Variants in SCLT1 observed in about 807,000 individuals in gnomAD.
The protein encoded by SCLT1 is sodium channel and clathrin linker 1, also known as sodium channel-associated protein 1.
SCLT1 carries 78 observed loss-of-function variants against 112.8 expected under a neutral mutation model. That is an observed-to-expected ratio of 0.69 (90% CI 0.58 to 0.83). The LOEUF (loss-of-function observed/expected upper bound fraction) is 0.83, where lower values mean the gene tolerates loss of function less well. Among genes scored for constraint, SCLT1 ranks in the 40% least tolerant of loss-of-function variants. The probability of loss-of-function intolerance (pLI) is 0.00; values close to 1 mark genes in which losing one functional copy is unlikely to be tolerated. For missense variants in SCLT1, 747 were observed against 770.4 expected (o/e 0.97, Z 0.36); for synonymous variants, 257 against 254.7 (o/e 1.01, Z -0.09).
intron 2 of SCLT1, among the ~76,000 whole-genome samples, chr4:129,056,856 C>A (rs962033716): frequency 6.6e-6 from 1 of 152,130 alleles, no homozygotes. Context: ...AGCTAGGACT[C>A]CCATACTAAG....
At chr4:128,915,655 C>G (rs957239729) in intron 18 of SCLT1, among the ~76,000 whole-genome samples, 3 of 152,110 alleles carry the variant, frequency 2.0e-5, no homozygotes, top group African/African-American at 7.2e-5. Flanking sequence ...CAGAAAGGAT[C>G]AAAACTGGAA....
At chr4:129,024,159 T>C (rs1745777783) in intron 5 of SCLT1, among the ~76,000 whole-genome samples, 1 of 152,300 alleles carries the variant, frequency 6.6e-6, no homozygotes, top group South Asian at 2.1e-4. Context: ...GACTTAAATG[T>C]CCCTGTCTGA....
intron 1 of SCLT1, among the ~76,000 whole-genome samples, chr4:129,087,480 G>C (rs1047484388): frequency 6.6e-6 from 1 of 151,284 alleles, no homozygotes; most frequent in African/African-American, 2.4e-5. Context: ...AAAAATATTG[G>C]GAAGGAAAAA....
intron 1 of SCLT1, among the ~76,000 whole-genome samples, chr4:129,087,037 C>T (rs1169149063): frequency 2.0e-5 from 3 of 152,114 alleles, no homozygotes; most frequent in Non-Finnish European, 4.4e-5. Context: ...CCTATGATTG[C>T]CCCACCTTAA....
rs112464153 is a variant in SCLT1, at chr4:129,010,014, C to A, written c.291-6138G>T. Among the ~76,000 whole-genome samples, 730 of 152,270 alleles carry A rather than the reference C, an allele frequency of 4.8e-3. 4 individuals are homozygous for A. The highest frequency in any genetic ancestry group is 0.016 in the African/African-American group (664 of 41,554). ...GCTTTTGGTATCTTCTTAATAAAAT[C>A]TTTGCCCACTCCTATGTCCAGAATG... On this transcript the variant is annotated intron_variant, in intron 5 of 20. Coordinates refer to ENST00000281142, the MANE Select transcript of SCLT1 (RefSeq NM_144643.4).
chr4:128,927,614 T>C (rs1447383308), intron 18 of SCLT1, among the ~76,000 whole-genome samples: 1 of 151,666 alleles, frequency 6.6e-6, no homozygotes, highest in Non-Finnish European at 1.5e-5. Context: ...TAAATAATAG[T>C]ACTATGTATA....
intron 5 of SCLT1, among the ~76,000 whole-genome samples, chr4:129,028,213 C>T (rs1429712019): frequency 8.6e-5 from 13 of 152,032 alleles, no homozygotes; most frequent in African/African-American, 1.9e-4. Flanking sequence ...GAGCCCGCAT[C>T]GCCAAGTCAA....
chr4:129,068,948 G>C (rs1561046458), intron 2 of SCLT1, among the ~76,000 whole-genome samples: 2 of 152,104 alleles, frequency 1.3e-5, no homozygotes, highest in Non-Finnish European at 2.9e-5. Context: ...GTTGATTTTT[G>C]TTTAAGGTGG....
Position 128,992,247 on chromosome 4 carries a change from GA to G in SCLT1, c.616-11del, listed in dbSNP as rs762505637. The G allele has an allele frequency of 1.4e-4, 206 of 1,491,096 alleles. No individual in the cohort carries two copies. The highest frequency in any genetic ancestry group is 5.5e-4 in the Middle Eastern group (3 of 5,432). The allele number at this position is 1,491,096 out of a possible 1,614,324, so 92.4% of individuals were successfully genotyped here. ...GAAACTGTTGGTTAGTCTGCCACAA[GA>G]AAAAAAAAGAATCAGTATTAGAATA... On this transcript the variant is annotated splice_polypyrimidine_tract_variant and intron_variant, in intron 8 of 20. Coordinates refer to ENST00000281142, the MANE Select transcript of SCLT1 (RefSeq NM_144643.4).
chr4:128,976,884 G>A (rs1416747849), intron 9 of SCLT1, among the ~76,000 whole-genome samples: 1 of 152,142 alleles, frequency 6.6e-6, no homozygotes, highest in Non-Finnish European at 1.5e-5. Context: ...AAATAAGACT[G>A]TAAAGGCCAT....
At chr4:128,925,978 G>A (rs997939158) in intron 18 of SCLT1, among the ~76,000 whole-genome samples, 1 of 151,206 alleles carries the variant, frequency 6.6e-6, no homozygotes, top group Non-Finnish European at 1.5e-5. Context: ...ATTTACAATG[G>A]CTGGTTTAAA....
chr4:129,064,222 G>C lies in SCLT1; in HGVS notation c.102+18084C>G, dbSNP rs113085020. ...AAGAGTTCTATATAAATTTAAGATA[G>C]TAATAACCAGTCATATATATGGTTT... On this transcript the variant is annotated intron_variant, in intron 2 of 20. Transcript: ENST00000281142. Among the ~76,000 whole-genome samples the C allele has an allele frequency of 9.8e-3, 1,496 of 152,194 alleles. 10 individuals carry two copies. The highest frequency in any genetic ancestry group is 0.012 in the African/African-American group (511 of 41,518).
downstream of SCLT1, among the ~76,000 whole-genome samples, chr4:128,880,883 T>C (rs1043486721): frequency 5.3e-5 from 8 of 152,196 alleles, no homozygotes; most frequent in African/African-American, 1.9e-4. Context: ...AAGCCGTATC[T>C]ATTCTCTGGA....
intron 7 of SCLT1, 65 bp downstream of exon 7, chr4:128,999,607 A>T: frequency 7.8e-7 from 1 of 1,279,378 alleles, no homozygotes; most frequent in East Asian, 2.3e-5. Context: ...GTTCCCCTCT[A>T]AAACAGTTTC....
rs181715199 is a variant in SCLT1, at chr4:129,048,701, A to C, written c.103-4650T>G. Reference sequence around the variant, plus strand: ...CTCACAGTGAACAGGCAACCTACAAAATGGGAGAAAATTTTCGCAACCTAC... The same window carrying C: ...CTCACAGTGAACAGGCAACCTACAACATGGGAGAAAATTTTCGCAACCTAC... On this transcript the variant is annotated intron_variant, in intron 2 of 20. Coordinates refer to ENST00000281142, the MANE Select transcript of SCLT1 (RefSeq NM_144643.4). Among the ~76,000 whole-genome samples the C allele has an allele frequency of 1.1e-3, 173 of 152,312 alleles. 2 individuals carry two copies. Among genetic ancestry groups the C allele is most frequent in the Admixed American group, 0.01 (157 of 15,296 alleles).
At chr4:129,090,704 T>A (rs1287317588) in intron 1 of SCLT1, among the ~76,000 whole-genome samples, 3 of 152,216 alleles carry the variant, frequency 2.0e-5, no homozygotes, top group Non-Finnish European at 4.4e-5. Context: ...ACCCCACTAA[T>A]GAATGAATTC....
chr4:128,943,266 T>C, intron 16 of SCLT1, 78 bp from the exon 17 acceptor site: 1 of 996,682 alleles, frequency 1.0e-6, no homozygotes, highest in Non-Finnish European at 1.4e-6. Flanking sequence ...CTACATTTTA[T>C]CACATGGACT....
chr4:129,018,663 A>G (rs1315194738), intron 5 of SCLT1, among the ~76,000 whole-genome samples: 1 of 152,166 alleles, frequency 6.6e-6, no homozygotes. Flanking sequence ...CAATTAATAG[A>G]CTCGCTCAAA....
At chr4:128,891,014 T>C in intron 19 of SCLT1, 45 bp downstream of exon 19, 2 of 1,347,304 alleles carry the variant, frequency 1.5e-6, no homozygotes, top group Non-Finnish European at 1.1e-6. Context: ...AACATGTGTA[T>C]CATGCTGCAG....
Sources: allele counts gnomAD v4.1 joint callset (sites outside exome capture counted in the v4.1 genomes callset), GRCh38; gene constraint gnomAD v4.1.1; transcripts MANE v1.5; gene names NCBI Gene and HGNC (gene_info 2026-07-23, HGNC 2026-07-21).